The following SCRG1 variants were observed in gnomAD, a reference collection of about 807,000 sequenced individuals.
The protein encoded by SCRG1 is stimulator of chondrogenesis 1.
In SCRG1, 3 loss-of-function variants were observed where a neutral mutation model predicts 7.7. The observed-to-expected ratio is 0.39, with a 90% CI of 0.18 to 1.01. The LOEUF is 1.01. Among genes scored for constraint, SCRG1 ranks in the 50% least tolerant of loss-of-function variants. The probability of loss-of-function intolerance (pLI) is 0.36; values close to 1 mark genes in which losing one functional copy is unlikely to be tolerated. For missense variants in SCRG1, 110 were observed against 117.2 expected (o/e 0.94, Z 0.28); for synonymous variants, 46 against 41.2 (o/e 1.12, Z -0.44).
At chr4:173,476,845 AT>A in the SCRG1 span, among the ~76,000 whole-genome samples, 1 of 152,134 alleles carries the variant, frequency 6.6e-6, no homozygotes, top group African/African-American at 2.4e-5. Context: ...ATAATAAAAA[AT>A]TAAAAAGAAG....
the SCRG1 span, among the ~76,000 whole-genome samples, chr4:173,492,647 A>G: frequency 4.6e-5 from 7 of 152,244 alleles, no homozygotes; most frequent in Admixed American, 3.9e-4. Flanking sequence ...AGCCCCCTAC[A>G]CCCACGAGGC....
chr4:173,493,616 GAAA>G, the SCRG1 span, among the ~76,000 whole-genome samples: 6 of 95,656 alleles, frequency 6.3e-5, no homozygotes, highest in African/African-American at 1.8e-4. Context: ...GACTCAGTCA[GAAA>G]AAAAAAAAAA....
At chr4:173,406,063 A>T (rs2126924938) in intron 1 of SCRG1, among the ~76,000 whole-genome samples, 1 of 152,348 alleles carries the variant, frequency 6.6e-6, no homozygotes, top group African/African-American at 2.4e-5. Flanking sequence ...GTCTGTATCT[A>T]CAACAACCTA....
chr4:173,453,136 C>T, the SCRG1 span, among the ~76,000 whole-genome samples: 1,516 of 152,288 alleles, frequency 1.0e-2, 12 homozygotes, highest in Non-Finnish European at 0.017. Context: ...CAGCACATGA[C>T]GTAAGTTGCA....
At chr4:173,484,178 AAT>A in the SCRG1 span, among the ~76,000 whole-genome samples, 111 of 64,056 alleles carry the variant, frequency 1.7e-3, 1 homozygote, top group African/African-American at 6.0e-3. Context: ...TATAATATAT[AAT>A]ATATTTTCTA....
chr4:173,481,151 G>A, the SCRG1 span, among the ~76,000 whole-genome samples: 1 of 152,022 alleles, frequency 6.6e-6, no homozygotes, highest in Non-Finnish European at 1.5e-5. Flanking sequence ...GCAACAAAAT[G>A]GCAATAATTT....
At chr4:173,500,173 A>G in the SCRG1 span, among the ~76,000 whole-genome samples, 443 of 152,334 alleles carry the variant, frequency 2.9e-3, no homozygotes, top group African/African-American at 0.01. Context: ...CAAGTTCGGA[A>G]GTAAGTACTT....
intron 1 of SCRG1, among the ~76,000 whole-genome samples, chr4:173,405,672 T>G (rs538609982): frequency 6.6e-6 from 1 of 152,364 alleles, no homozygotes; most frequent in East Asian, 1.9e-4. Context: ...GATTAAAATA[T>G]TCCTTGCTCA....
the SCRG1 span, among the ~76,000 whole-genome samples, chr4:173,503,688 C>T: frequency 6.6e-6 from 1 of 152,206 alleles, no homozygotes; most frequent in Non-Finnish European, 1.5e-5. The surrounding 1 kb of genome is among the most constrained non-coding windows in gnomAD (Gnocchi z 6.4). Context: ...CTGGAGACCA[C>T]AAAGTCAGTC....
chr4:173,458,697 G>A, the SCRG1 span, among the ~76,000 whole-genome samples: 1 of 152,000 alleles, frequency 6.6e-6, no homozygotes, highest in Non-Finnish European at 1.5e-5. Flanking sequence ...AAGCAACAAA[G>A]GATACATAAA....
the SCRG1 span, among the ~76,000 whole-genome samples, chr4:173,412,949 A>G: frequency 3.3e-5 from 5 of 152,136 alleles, no homozygotes; most frequent in Admixed American, 3.3e-4. Flanking sequence ...AATTTCCCCC[A>G]TCTGTCAGGT....
At chr4:173,498,473 C>T in the SCRG1 span, among the ~76,000 whole-genome samples, 3 of 152,120 alleles carry the variant, frequency 2.0e-5, no homozygotes, top group Non-Finnish European at 2.9e-5. Context: ...GAAATCAGTT[C>T]CCTGGGCCCC....
chr4:173,412,852 T>C, the SCRG1 span, among the ~76,000 whole-genome samples: 1 of 152,170 alleles, frequency 6.6e-6, no homozygotes, highest in African/African-American at 2.4e-5. Flanking sequence ...GCATGAAGAC[T>C]GAAAACCTCG....
At chr4:173,432,546 G>A in the SCRG1 span, among the ~76,000 whole-genome samples, 5 of 151,922 alleles carry the variant, frequency 3.3e-5, no homozygotes, top group East Asian at 1.9e-4. Flanking sequence ...CCCATTCGCC[G>A]GTATCTGCTG....
chr4:173,394,012 T>C (rs1739525591), intron 1 of SCRG1, among the ~76,000 whole-genome samples: 1 of 152,156 alleles, frequency 6.6e-6, no homozygotes, highest in Non-Finnish European at 1.5e-5. Flanking sequence ...TCCTTAAATG[T>C]TAAGTAAGTC....
the SCRG1 span, among the ~76,000 whole-genome samples, chr4:173,483,240 A>G: frequency 2.5e-5 from 2 of 80,930 alleles, no homozygotes; most frequent in Non-Finnish European, 4.1e-5. Flanking sequence ...TATATAATAT[A>G]TGATATATCA....
chr4:173,452,107 G>C, the SCRG1 span, among the ~76,000 whole-genome samples: 3 of 151,950 alleles, frequency 2.0e-5, no homozygotes, highest in Admixed American at 2.0e-4. Flanking sequence ...AGACACAATG[G>C]GGCCTCAAGA....
At chr4:173,416,725 C>G in the SCRG1 span, among the ~76,000 whole-genome samples, 13 of 152,296 alleles carry the variant, frequency 8.5e-5, no homozygotes, top group South Asian at 2.5e-3. Context: ...GGGGCCCTCT[C>G]CCTTCGTGTG....
chr4:173,412,162 A>G, the SCRG1 span, among the ~76,000 whole-genome samples: 2 of 152,136 alleles, frequency 1.3e-5, no homozygotes, highest in African/African-American at 4.8e-5. Flanking sequence ...CCACTCATGC[A>G]GTGGCCACTG....
Sources: gnomAD v4.1 joint callset for allele counts (sites outside exome capture counted in the v4.1 genomes callset) on GRCh38, gnomAD v4.1.1 for gene constraint, Gnocchi (gnomAD v3.1) non-coding constraint, MANE v1.5 for transcripts, NCBI Gene and HGNC (gene_info 2026-07-23, HGNC 2026-07-21) for gene names.